The following CCL13 variants were observed in gnomAD, a reference collection of about 807,000 sequenced individuals.
CCL13 encodes the protein C-C motif chemokine 13.
In CCL13, 5 loss-of-function variants were observed where a neutral mutation model predicts 6.6. The observed-to-expected ratio is 0.76, with a 90% CI of 0.40 to 1.60. CCL13 has a LOEUF of 1.60. Among genes scored for constraint, CCL13 ranks in the 40% most tolerant of loss-of-function variants. CCL13 has a pLI of 0.02. For missense variants in CCL13, 117 were observed against 114.2 expected, an observed-to-expected ratio of 1.02 and a Z score of -0.11; for synonymous variants, 39 against 43.0, an observed-to-expected ratio of 0.91 and a Z score of 0.37.
In CCL13 at chr17:34,356,751, T is replaced by G. The variant is rs533948385; in HGVS notation, c.76+149T>G. ...GTGCAGGGGTGCGATCTTGGCTCAT[T>G]GCAACCTTCACCTCCCAGGTTCAAG... On this transcript the variant is annotated intron_variant, in intron 1 of 2. Transcript: ENST00000225844. The G allele has an allele frequency of 9.4e-5, 53 of 561,544 alleles. 1 individual carries two copies. Among genetic ancestry groups the G allele is most frequent in the African/African-American group, 8.6e-4 (45 of 52,338 alleles). 34.8% of individuals were successfully genotyped at this position (561,544 alleles called of 1,614,324 possible). A position where few individuals can be genotyped will look rare whatever the true frequency, so the allele number is the denominator to read the frequency against.
intron 1 of CCL13, among the ~76,000 whole-genome samples, 178 bp downstream of exon 1, chr17:34,356,780 T>C (rs1296404727): frequency 6.6e-6 from 1 of 152,178 alleles, no homozygotes; most frequent in Admixed American, 6.5e-5. Flanking sequence ...GTTCAAGCGA[T>C]TCTCTTGCCT....
At chr17:34,357,436 AC>A in intron 1 of CCL13, 38 bp from the exon 2 acceptor site, 1 of 1,371,538 alleles carries the variant, frequency 7.3e-7, no homozygotes, top group Non-Finnish European at 1.0e-6. Context: ...GAAAAGCCTA[AC>A]ACATCCTCAA....
chr17:34,358,088 A>T lies in CCL13; in HGVS notation c.254A>T (p.Tyr85Phe), dbSNP rs1325055197. 1 of 1,613,960 alleles carries T rather than the reference A, an allele frequency of 6.2e-7. No homozygotes were observed. The highest frequency in any genetic ancestry group is 8.5e-7 in the Non-Finnish European group (1 of 1,179,984). ...ADPKEKWVQN[Y>F]MKHLGRKAHT... ...CCAAAGGAGAAGTGGGTCCAGAATT[A>T]TATGAAACACCTGGGCCGGAAAGCT... The change falls in exon 3 of 3, where the codon TAT becomes TTT. Residue 85 changes from tyrosine to phenylalanine, a missense_variant. By Grantham distance (22) the Tyr-to-Phe change is conservative. Transcript: ENST00000225844.
At position 34,358,167 on chromosome 17, in the gene CCL13, G is replaced by T. The variant is rs370593553; in HGVS notation, c.*36G>T. On this transcript the variant is annotated 3_prime_UTR_variant, in exon 3 of 3. Transcript: ENST00000225844. ...CCCTACTGAAATCAAGCTGGAGTAC[G>T]TGAAATGACTTTTCCATTCTCCTCT... is the stretch of plus-strand genomic sequence containing the variant. 1 of 1,436,766 alleles carries T rather than the reference G, an allele frequency of 7.0e-7. No individual in the cohort carries two copies. Among genetic ancestry groups the T allele is most frequent in the Non-Finnish European group, 9.8e-7 (1 of 1,019,438 alleles). The allele number at this position is 1,436,766 out of a possible 1,614,324, so 89.0% of individuals were successfully genotyped here. A position where few individuals can be genotyped will look rare whatever the true frequency, so the allele number is the denominator to read the frequency against.
Position 34,356,550 on chromosome 17 carries a change from G to T in CCL13, c.24G>T (p.Leu8=). The T allele has an allele frequency of 6.2e-7, 1 of 1,613,504 alleles. No homozygotes were observed. The highest frequency in any genetic ancestry group is 8.5e-7 in the Non-Finnish European group (1 of 1,179,544). The change falls in exon 1 of 3, where the codon CTG becomes CTT. Residue 8 remains leucine, a synonymous_variant. Coordinates refer to ENST00000225844, the MANE Select transcript of CCL13 (RefSeq NM_005408.3). ...ACATGAAAGTCTCTGCAGTGCTTCT[G>T]TGCCTGCTGCTCATGACAGCAGCTT... The part of the protein sequence containing the change: MKVSAVL[L]CLLLMTAAFN...
rs754905287 is a variant in CCL13 at position 34,358,098 on chromosome 17, C to T, written c.264C>T (p.His88=). The part of the protein sequence containing the change: ...KEKWVQNYMK[H]LGRKAHTLKT The stretch of plus-strand genomic sequence containing the variant: ...AGTGGGTCCAGAATTATATGAAACA[C>T]CTGGGCCGGAAAGCTCACACCCTGA... Residue 88 remains histidine, a synonymous_variant, in exon 3 of 3, where the codon CAC becomes CAT. Coordinates refer to ENST00000225844, the MANE Select transcript of CCL13 (RefSeq NM_005408.3). 6.2e-7 allele frequency: 1 copy of T among 1,613,952 alleles called. No homozygotes were observed.
In CCL13 at chr17:34,357,384, C is replaced by T. The variant is rs376775055; in HGVS notation, c.77-91C>T. 33 of 823,482 alleles carry T rather than the reference C, an allele frequency of 4.0e-5. No homozygotes were observed. In the East Asian group the frequency reaches 7.2e-4, roughly 18 times the overall value. 51.0% of individuals were successfully genotyped at this position (823,482 alleles called of 1,614,324 possible). A position where few individuals can be genotyped will look rare whatever the true frequency, so the allele number is the denominator to read the frequency against. On this transcript the variant is annotated intron_variant, in intron 1 of 2. Coordinates refer to ENST00000225844, the MANE Select transcript of CCL13 (RefSeq NM_005408.3). ...AGTAAGATCTATTTCTTCCTCTTTGCTTTGCATCCCATACAGATGCTCCCT... is the reference window on the plus strand; with the variant it reads ...AGTAAGATCTATTTCTTCCTCTTTGTTTTGCATCCCATACAGATGCTCCCT...
Position 34,357,540 on chromosome 17 carries a change from C to G in CCL13, c.142C>G (p.Leu48Val). The change falls in exon 2 of 3, where the codon CTG becomes GTG. Residue 48 changes from leucine to valine, a missense_variant. By Grantham distance (32) the Leu-to-Val change is conservative. Coordinates refer to ENST00000225844, the MANE Select transcript of CCL13 (RefSeq NM_005408.3). ...FSSKKISLQR[L>V]KSYVITTSRC... ...CAGTAAGAAGATCTCCTTGCAGAGG[C>G]TGAAGAGCTATGTGATCACCACCAG... The G allele has an allele frequency of 3.1e-6, 5 of 1,613,644 alleles. No homozygotes were observed. Among genetic ancestry groups the G allele is most frequent in the Non-Finnish European group, 4.2e-6 (5 of 1,179,572 alleles).
At chr17:34,357,422 C>T in intron 1 of CCL13, 53 bp from the exon 2 acceptor site, 1 of 1,205,736 alleles carries the variant, frequency 8.3e-7, no homozygotes. Flanking sequence ...TGTATTCAAG[C>T]TGAGAAAAGC....
At chr17:34,357,422 C>A in intron 1 of CCL13, 53 bp from the exon 2 acceptor site, 2 of 1,205,730 alleles carry the variant, frequency 1.7e-6, no homozygotes, top group Non-Finnish European at 2.5e-6. Flanking sequence ...TGTATTCAAG[C>A]TGAGAAAAGC....
rs756174315 is a variant in CCL13 at position 34,356,571 on chromosome 17, A to G, written c.45A>G (p.Ala15=). Residue 15 remains alanine, a synonymous_variant, in exon 1 of 3, where the codon GCA becomes GCG. Coordinates refer to ENST00000225844, the MANE Select transcript of CCL13 (RefSeq NM_005408.3). ...AVLLCLLLMT[A]AFNPQGLAQP... ...TTCTGTGCCTGCTGCTCATGACAGC[A>G]GCTTTCAACCCCCAGGGACTTGCTC... 1.9e-6 allele frequency: 3 copies of G among 1,613,674 alleles called. No homozygotes were observed. Among genetic ancestry groups the G allele is most frequent in the South Asian group, 1.1e-5 (1 of 91,058 alleles).
chr17:34,357,653 C>A, intron 2 of CCL13, 64 bp downstream of exon 2: 2 of 981,886 alleles, frequency 2.0e-6, no homozygotes, highest in Non-Finnish European at 3.3e-6. Flanking sequence ...ATCCAAAGTT[C>A]TGCCCCAGGA....
Position 34,358,057 on chromosome 17 carries a change from G to A in CCL13, c.223G>A (p.Ala75Thr), listed in dbSNP as rs1478512064. The change falls in exon 3 of 3, where the codon GCT becomes ACT. Residue 75 changes from alanine (A) to threonine (T), a missense_variant. By Grantham distance (58) the Ala-to-Thr change is moderately conservative. Transcript: ENST00000225844. ...FRTKLGKEIC[A>T]DPKEKWVQNY... is the part of the protein sequence containing the mutation. Reference sequence around the variant, plus strand: ...AACCAAACTGGGCAAGGAGATCTGTGCTGACCCAAAGGAGAAGTGGGTCCA... The same window carrying A: ...AACCAAACTGGGCAAGGAGATCTGTACTGACCCAAAGGAGAAGTGGGTCCA... 4.3e-6 allele frequency: 7 copies of A among 1,613,804 alleles called. No individual in the cohort carries two copies. In the East Asian group the frequency reaches 1.6e-4, roughly 36 times the overall value.
intron 1 of CCL13, 26 bp from the exon 2 acceptor site, chr17:34,357,449 G>A: frequency 6.7e-7 from 1 of 1,496,478 alleles, no homozygotes; most frequent in Non-Finnish European, 9.3e-7. Flanking sequence ...CATCCTCAAA[G>A]TCTTTTTCTT....
intron 1 of CCL13, among the ~76,000 whole-genome samples, chr17:34,356,927 G>C (rs763720341): frequency 6.6e-6 from 1 of 152,050 alleles, no homozygotes; most frequent in Non-Finnish European, 1.5e-5. Flanking sequence ...CTCCCGTCTC[G>C]GCCTCCCAAA....
At chr17:34,357,983 C>T in intron 2 of CCL13, 43 bp from the exon 3 acceptor site, 1 of 1,433,030 alleles carries the variant, frequency 7.0e-7, no homozygotes, top group Non-Finnish European at 9.8e-7. Context: ...GGTAAACCCT[C>T]AAAGGGTTCC....
rs1430571431 is a variant in CCL13, at chr17:34,358,292, G to C, written c.*161G>C. The C allele has an allele frequency of 1.6e-5, 10 of 634,180 alleles. No homozygotes were observed. The highest frequency in any genetic ancestry group is 2.8e-5 in the Non-Finnish European group (10 of 360,146). The allele number at this position is 634,180 out of a possible 1,614,324, so 39.3% of individuals were successfully genotyped here. A position where few individuals can be genotyped will look rare whatever the true frequency, so the allele number is the denominator to read the frequency against. On this transcript the variant is annotated 3_prime_UTR_variant, in exon 3 of 3. Coordinates refer to ENST00000225844, the MANE Select transcript of CCL13 (RefSeq NM_005408.3). ...ATGTACTATGTGTTAAGTAATATTGGCTATTATTTGACTTGTTGCTGGTTT... is the reference window on the plus strand; with the variant it reads ...ATGTACTATGTGTTAAGTAATATTGCCTATTATTTGACTTGTTGCTGGTTT...
rs1910406064 is a variant in CCL13, at chr17:34,358,229, A to C, written c.*98A>C. The stretch of plus-strand genomic sequence containing the variant: ...CTATGCTTTGGAATACTTCTACCAT[A>C]ATTTTCAAATAGGATGCATTCGGTT... On this transcript the variant is annotated 3_prime_UTR_variant, in exon 3 of 3. Transcript: ENST00000225844. 2 of 785,082 alleles carry C rather than the reference A, an allele frequency of 2.5e-6. No homozygotes were observed. The highest frequency in any genetic ancestry group is 5.0e-5 in the Admixed American group (2 of 40,160). The allele number at this position is 785,082 out of a possible 1,614,324, so 48.6% of individuals were successfully genotyped here. A position where few individuals can be genotyped will look rare whatever the true frequency, so the allele number is the denominator to read the frequency against.
chr17:34,357,371 T>A (rs1165994741), intron 1 of CCL13, 104 bp from the exon 2 acceptor site: 1 of 755,134 alleles, frequency 1.3e-6, no homozygotes, highest in African/African-American at 1.7e-5. Context: ...TAAGATCTAT[T>A]TCTTCCTCTT....
Sources: gnomAD v4.1 joint callset for allele counts (sites outside exome capture counted in the v4.1 genomes callset) on GRCh38, gnomAD v4.1.1 for gene constraint, MANE v1.5 for transcripts, NCBI Gene and HGNC (gene_info 2026-07-23, HGNC 2026-07-21) for gene names.